Variants in LYPLAL1 observed in about 807,000 individuals in gnomAD.
LYPLAL1 encodes lysophospholipase like 1.
In LYPLAL1, 23 loss-of-function variants were observed where a neutral mutation model predicts 19.7. The ratio of observed to expected loss-of-function variants is 1.17; its 90% confidence interval spans 0.84 to 1.65. The LOEUF (loss-of-function observed/expected upper bound fraction) is 1.65, where lower values mean the gene tolerates loss of function less well. Ranked by LOEUF, LYPLAL1 falls within the 40% of genes most tolerant of loss-of-function variation. The pLI, the probability that LYPLAL1 is intolerant of heterozygous loss-of-function variation, is 0.00. For missense variants in LYPLAL1, 355 were observed against 279.4 expected, an observed-to-expected ratio of 1.27 and a Z score of -1.93; for synonymous variants, 119 against 96.3, an observed-to-expected ratio of 1.24 and a Z score of -1.38.
At chr1:219,189,070 T>C (rs770621828) in intron 2 of LYPLAL1, among the ~76,000 whole-genome samples, 58 of 151,874 alleles carry the variant, frequency 3.8e-4, no homozygotes, top group Middle Eastern at 3.4e-3. Context: ...GCTACCACAT[T>C]AGTAACATAC....
chr1:219,228,775 GT>G, the LYPLAL1 span, among the ~76,000 whole-genome samples: 1 of 151,920 alleles, frequency 6.6e-6, no homozygotes, highest in East Asian at 1.9e-4. Context: ...CGCCTCCCAG[GT>G]TCCAGAGATT....
At chr1:219,198,138 C>A (rs1009261351) in intron 3 of LYPLAL1, among the ~76,000 whole-genome samples, 1 of 151,876 alleles carries the variant, frequency 6.6e-6, no homozygotes, top group Non-Finnish European at 1.5e-5. Flanking sequence ...TTTCAAAGTC[C>A]GACAATGTGA....
the LYPLAL1 span, among the ~76,000 whole-genome samples, chr1:219,441,502 A>T: frequency 6.6e-6 from 1 of 152,228 alleles, no homozygotes; most frequent in South Asian, 2.1e-4. Context: ...ATGGAGGCTT[A>T]TTATGCTATT....
the LYPLAL1 span, among the ~76,000 whole-genome samples, chr1:219,291,054 A>G: frequency 1.3e-5 from 2 of 152,194 alleles, no homozygotes; most frequent in Admixed American, 1.3e-4. Context: ...AATAGCACCC[A>G]CTTCAAGGAT....
At chr1:219,241,098 A>ATCTCTC in the LYPLAL1 span, among the ~76,000 whole-genome samples, 622 of 58,860 alleles carry the variant, frequency 0.011, 15 homozygotes, top group East Asian at 0.016. Flanking sequence ...AATATATATA[A>ATCTCTC]TCTCTCTCTC....
the LYPLAL1 span, among the ~76,000 whole-genome samples, chr1:219,224,405 G>A: frequency 3.9e-5 from 6 of 152,078 alleles, no homozygotes; most frequent in East Asian, 3.9e-4. Flanking sequence ...ATGAAGTGTC[G>A]TGTGTTTTGG....
At chr1:219,441,233 A>T in the LYPLAL1 span, among the ~76,000 whole-genome samples, 2 of 152,252 alleles carry the variant, frequency 1.3e-5, no homozygotes, top group Non-Finnish European at 2.9e-5. Context: ...TTATAAATGT[A>T]TCAAAATTAT....
chr1:219,193,315 C>T, intron 3 of LYPLAL1, 64 bp downstream of exon 3: 1 of 1,321,080 alleles, frequency 7.6e-7, no homozygotes, highest in Non-Finnish European at 1.0e-6. Context: ...TACATCAAAT[C>T]TTACTTGGAA....
the LYPLAL1 span, among the ~76,000 whole-genome samples, chr1:219,431,608 C>T: frequency 0.65 from 99,081 of 152,110 alleles, 32,739 homozygotes; most frequent in Non-Finnish European, 0.72. Context: ...TCTTCCGTGG[C>T]CCTTACCTTT....
chr1:219,211,919 AT>A lies in LYPLAL1; in HGVS notation c.*196del, dbSNP rs539274563. The A allele has an allele frequency of 1.5e-5, 6 of 411,978 alleles. No individual in the cohort carries two copies. Among genetic ancestry groups the A allele is most frequent in the Non-Finnish European group, 2.6e-5 (6 of 233,598 alleles). The allele number at this position is 411,978 out of a possible 1,614,324, so 25.5% of individuals were successfully genotyped here. A position where few individuals can be genotyped will look rare whatever the true frequency, so the allele number is the denominator to read the frequency against. ...AACAATAGACAAACATCTGTGCATA[AT>A]TTTTCAGACACAATTCTGTAAATAT... On this transcript the variant is annotated 3_prime_UTR_variant, in exon 5 of 5. Coordinates refer to ENST00000366928, the MANE Select transcript of LYPLAL1 (RefSeq NM_138794.5).
the LYPLAL1 span, among the ~76,000 whole-genome samples, chr1:219,437,647 T>G: frequency 5.9e-5 from 9 of 152,132 alleles, no homozygotes; most frequent in East Asian, 1.5e-3. Flanking sequence ...CTTGCCCCCT[T>G]TGGTACAATC....
intron 3 of LYPLAL1, among the ~76,000 whole-genome samples, chr1:219,202,161 T>C (rs968988083): frequency 2.0e-5 from 3 of 152,248 alleles, no homozygotes; most frequent in Admixed American, 2.0e-4. Flanking sequence ...TCCAGTCTCC[T>C]TATTCTCTGT....
chr1:219,284,868 A>T, the LYPLAL1 span, among the ~76,000 whole-genome samples: 26 of 152,352 alleles, frequency 1.7e-4, no homozygotes, highest in African/African-American at 6.3e-4. Flanking sequence ...TGAGACAATG[A>T]CAACAGAAAG....
At chr1:219,341,051 C>T in the LYPLAL1 span, among the ~76,000 whole-genome samples, 1 of 152,036 alleles carries the variant, frequency 6.6e-6, no homozygotes, top group Non-Finnish European at 1.5e-5. Flanking sequence ...ATTCCATGTG[C>T]ATGTATCTGT....
At chr1:219,274,104 G>T in the LYPLAL1 span, among the ~76,000 whole-genome samples, 1 of 152,186 alleles carries the variant, frequency 6.6e-6, no homozygotes, top group East Asian at 1.9e-4. Context: ...AGCTGTAAAG[G>T]AATGAAGAGA....
the LYPLAL1 span, among the ~76,000 whole-genome samples, chr1:219,385,062 G>C: frequency 2.0e-5 from 3 of 152,036 alleles, no homozygotes; most frequent in Non-Finnish European, 4.4e-5. Context: ...GGTGGTGGTG[G>C]GGGAGGTCAG....
At chr1:219,333,547 G>A in the LYPLAL1 span, among the ~76,000 whole-genome samples, 1 of 151,996 alleles carries the variant, frequency 6.6e-6, no homozygotes, top group Non-Finnish European at 1.5e-5. Flanking sequence ...TCTGGAGTAG[G>A]CCTTCTTTTT....
the LYPLAL1 span, among the ~76,000 whole-genome samples, chr1:219,396,348 A>G: frequency 6.6e-6 from 1 of 152,120 alleles, no homozygotes; most frequent in South Asian, 2.1e-4. Context: ...CTTGTAGTAT[A>G]GTTTGAAATT....
At chr1:219,353,148 C>T in the LYPLAL1 span, among the ~76,000 whole-genome samples, 3 of 152,110 alleles carry the variant, frequency 2.0e-5, no homozygotes, top group Admixed American at 2.0e-4. Flanking sequence ...AGATTTTTGC[C>T]TGGAGGCATT....
Sources: gnomAD v4.1 joint callset for allele counts (sites outside exome capture counted in the v4.1 genomes callset) on GRCh38, gnomAD v4.1.1 for gene constraint, MANE v1.5 for transcripts, NCBI Gene and HGNC (gene_info 2026-07-23, HGNC 2026-07-21) for gene names.